Variants in PLEKHA8 observed in about 807,000 individuals in gnomAD.
The protein encoded by PLEKHA8 is pleckstrin homology domain-containing family A member 8.
In PLEKHA8, 36 loss-of-function variants were observed where a neutral mutation model predicts 68.2. The observed-to-expected ratio is 0.53, with a 90% CI of 0.40 to 0.70. The LOEUF (loss-of-function observed/expected upper bound fraction) is 0.70, where lower values mean the gene tolerates loss of function less well. Among genes scored for constraint, PLEKHA8 ranks in the 30% least tolerant of loss-of-function variants. The pLI is 0.00. For missense variants in PLEKHA8, 505 were observed against 615.4 expected (o/e 0.82, Z 1.90); for synonymous variants, 211 against 216.1 (o/e 0.98, Z 0.20).
chr7:30,031,081 T>C (rs893929011), intron 1 of PLEKHA8, among the ~76,000 whole-genome samples: 19 of 152,230 alleles, frequency 1.2e-4, no homozygotes, highest in Admixed American at 1.2e-3. Flanking sequence ...TGAGTGAAGT[T>C]AGGAAATCAG....
At chr7:30,096,786 C>A (rs1795638192) in intron 13 of PLEKHA8, among the ~76,000 whole-genome samples, 1 of 152,134 alleles carries the variant, frequency 6.6e-6, no homozygotes, top group Non-Finnish European at 1.5e-5. Flanking sequence ...TCCAATTTAC[C>A]AGTCTGTGTC....
At chr7:30,070,438 G>A (rs942523189) in intron 12 of PLEKHA8, among the ~76,000 whole-genome samples, 1 of 152,092 alleles carries the variant, frequency 6.6e-6, no homozygotes, top group African/African-American at 2.4e-5. Context: ...CTGTCTTTTA[G>A]AAGAGGGCAT....
exon 13 of PLEKHA8, chr7:30,090,202 C>G (rs1452759727): frequency 7.8e-6 from 12 of 1,547,830 alleles, no homozygotes; most frequent in Non-Finnish European, 9.6e-6. Context: ...GATGAAGATC[C>G]TGAACTTCAA....
chr7:30,033,750 C>T (rs1192403603), intron 1 of PLEKHA8, among the ~76,000 whole-genome samples: 1 of 152,106 alleles, frequency 6.6e-6, no homozygotes, highest in Non-Finnish European at 1.5e-5. Flanking sequence ...AAAGTGACTG[C>T]ACCATTTTAC....
chr7:30,056,737 AAAAAAGTGTGT>A lies in PLEKHA8; in HGVS notation c.1039+1396_1039+1406del, dbSNP rs1241771253. Among the ~76,000 whole-genome samples, 110 of 101,418 alleles carry A rather than the reference AAAAAAGTGTGT, an allele frequency of 1.1e-3. 1 individual carries two copies. The highest frequency in any genetic ancestry group is 3.8e-3 in the African/African-American group (107 of 28,090). 66.5% of individuals were successfully genotyped at this position (101,418 alleles called of 152,430 possible). A position where few individuals can be genotyped will look rare whatever the true frequency, so the allele number is the denominator to read the frequency against. Reference sequence around the variant, plus strand: ...GACAGCCTGTCTCAAAAAAAAAAAAAAAAAAGTGTGTGTGTGTGTGTGTGTGTGTGTGTGTG... The same window carrying A: ...GACAGCCTGTCTCAAAAAAAAAAAAAGTGTGTGTGTGTGTGTGTGTGTGTG... On this transcript the variant is annotated intron_variant, in intron 9 of 13. Transcript: ENST00000449726.
chr7:30,065,964 G>C (rs1793821041), intron 12 of PLEKHA8, among the ~76,000 whole-genome samples: 1 of 152,148 alleles, frequency 6.6e-6, no homozygotes, highest in African/African-American at 2.4e-5. Flanking sequence ...TGAGGCTGGG[G>C]CCTGGCAGTC....
At chr7:30,043,037 TCTCA>T (rs1419201384) in intron 1 of PLEKHA8, among the ~76,000 whole-genome samples, 4 of 152,000 alleles carry the variant, frequency 2.6e-5, no homozygotes, top group Non-Finnish European at 5.9e-5. Context: ...AAGGTCTCAC[TCTCA>T]CTCAGGTTGG....
intron 13 of PLEKHA8, among the ~76,000 whole-genome samples, chr7:30,100,528 G>T (rs925019860): frequency 3.3e-5 from 5 of 152,066 alleles, no homozygotes; most frequent in Non-Finnish European, 7.3e-5. Context: ...TCCAACCTGG[G>T]CAACAGAGCG....
chr7:30,108,083 A>AAAAAAAAAAAAAAAAAAAAAAAAAAAAC (rs780069387), intron 13 of PLEKHA8, among the ~76,000 whole-genome samples: 4 of 144,568 alleles, frequency 2.8e-5, no homozygotes, highest in Non-Finnish European at 4.6e-5. Context: ...AAAAAAAAAA[A>AAAAAAAAAAAAAAAAAAAAAAAAAAAAC]AAAAAAAAAC....
At chr7:30,109,146 T>C (rs1399502316) in intron 13 of PLEKHA8, among the ~76,000 whole-genome samples, 1 of 152,164 alleles carries the variant, frequency 6.6e-6, no homozygotes, top group East Asian at 1.9e-4. Flanking sequence ...CTCTATAAAG[T>C]GCACTAAAGG....
intron 13 of PLEKHA8, among the ~76,000 whole-genome samples, chr7:30,107,223 A>T (rs977969718): frequency 5.9e-5 from 9 of 152,208 alleles, no homozygotes; most frequent in Admixed American, 1.3e-4. Context: ...ATTTTGTTAT[A>T]AAATACAAGG....
At chr7:30,029,979 C>T (rs1240555014) in intron 1 of PLEKHA8, among the ~76,000 whole-genome samples, 1 of 152,140 alleles carries the variant, frequency 6.6e-6, no homozygotes, top group Non-Finnish European at 1.5e-5. Context: ...TTAATAGAGA[C>T]TAAATGAGAA....
chr7:30,055,087 C>T (rs1792730829), intron 8 of PLEKHA8, among the ~76,000 whole-genome samples, 170 bp from the exon 9 acceptor site: 1 of 152,190 alleles, frequency 6.6e-6, no homozygotes, highest in Non-Finnish European at 1.5e-5. Flanking sequence ...GGTGGATTAT[C>T]TTTGGAAATT....
intron 12 of PLEKHA8, among the ~76,000 whole-genome samples, chr7:30,069,411 A>T (rs1376753994): frequency 2.0e-5 from 3 of 152,224 alleles, no homozygotes; most frequent in Non-Finnish European, 4.4e-5. Context: ...CTATAAGCCA[A>T]AATAACTTTA....
At chr7:30,088,910 T>C (rs919026275), downstream of PLEKHA8, among the ~76,000 whole-genome samples, 9 of 101,508 alleles carry the variant, frequency 8.9e-5, no homozygotes, top group African/African-American at 3.5e-4. Flanking sequence ...GTGGGGGTGT[T>C]GTAGGGTGGG....
At chr7:30,050,019 T>C (rs973708979) in intron 5 of PLEKHA8, among the ~76,000 whole-genome samples, 1 of 152,236 alleles carries the variant, frequency 6.6e-6, no homozygotes, top group African/African-American at 2.4e-5. Flanking sequence ...TTTATATTCC[T>C]TGTTTTGTAC....
chr7:30,054,091 C>T (rs533019864), intron 7 of PLEKHA8, among the ~76,000 whole-genome samples: 115 of 152,218 alleles, frequency 7.6e-4, no homozygotes, highest in Non-Finnish European at 1.2e-3. Flanking sequence ...CTTGGGAGCC[C>T]TTTTAAACAG....
In PLEKHA8 at chr7:30,046,330, C is replaced by T. The variant is rs1156267690; in HGVS notation, c.278C>T (p.Ala93Val). ...RWLVALGSAK[A>V]CLTDSRTQKE... is the part of the protein sequence containing the mutation. The stretch of plus-strand genomic sequence containing the variant: ...CTGGTGGCCCTGGGATCAGCCAAGG[C>T]TTGCCTGACTGACAGTAGGACCCAG... Residue 93 changes from alanine to valine, a missense_variant, in exon 3 of 14, where the codon GCT becomes GTT. By Grantham distance (64) the Ala-to-Val change is moderately conservative. Coordinates refer to ENST00000449726, the MANE Select transcript of PLEKHA8 (RefSeq NM_001197026.2). 9 of 1,612,842 alleles carry T rather than the reference C, an allele frequency of 5.6e-6. No homozygotes were observed. The highest frequency in any genetic ancestry group is 7.6e-6 in the Non-Finnish European group (9 of 1,179,352).
rs1792079581 is a variant in PLEKHA8 at position 30,047,862 on chromosome 7, C to G, written c.344C>G (p.Thr115Ser). Residue 115 changes from threonine (T) to serine (S), a missense_variant, in exon 4 of 14, where the codon ACC becomes AGC. Coordinates refer to ENST00000449726, the MANE Select transcript of PLEKHA8 (RefSeq NM_001197026.2). ...GCTGAAAACACTGAAAACTTGAAAA[C>G]CAAAATGTCAGAACTAAGACTCTAC... ...EFAENTENLK[T>S]KMSELRLYCD... is the part of the protein sequence containing the mutation. 3 of 1,609,954 alleles carry G rather than the reference C, an allele frequency of 1.9e-6. No individual in the cohort carries two copies. The highest frequency in any genetic ancestry group is 2.5e-6 in the Non-Finnish European group (3 of 1,177,628).
Sources: allele counts gnomAD v4.1 joint callset (sites outside exome capture counted in the v4.1 genomes callset), GRCh38; gene constraint gnomAD v4.1.1; transcripts MANE v1.5; gene names NCBI Gene and HGNC (gene_info 2026-07-23, HGNC 2026-07-21).